Variants in CASC3 observed in about 807,000 individuals in gnomAD.
The protein encoded by CASC3 is CASC3 exon junction complex subunit, also known as protein CASC3.
A neutral mutation model predicts 80.5 loss-of-function variants in CASC3; 30 were observed. That is an observed-to-expected ratio of 0.37 (90% CI 0.28 to 0.51). The LOEUF is 0.51. CASC3 is among the 20% of genes least tolerant of loss of function. The pLI is 0.94. For synonymous variants in CASC3, 312 were observed against 333.6 expected (o/e 0.94, Z 0.70); for missense variants, 824 against 922.2 (o/e 0.89, Z 1.38).
intron 10 of CASC3, 65 bp from the exon 11 acceptor site, chr17:40,168,138 C>A: frequency 6.8e-7 from 1 of 1,465,104 alleles, no homozygotes; most frequent in Non-Finnish European, 9.6e-7. Flanking sequence ...CTGAGCAGTC[C>A]AGCCGGGCCA....
At chr17:40,153,354 CGT>C (rs1989059388) in intron 3 of CASC3, among the ~76,000 whole-genome samples, 1 of 152,038 alleles carries the variant, frequency 6.6e-6, no homozygotes, top group African/African-American at 2.4e-5. Flanking sequence ...TTCCATTGTT[CGT>C]GTGTTCCACA....
rs146854301 is a variant in CASC3, at chr17:40,150,606, G to A, written c.297+8999G>A. ...AGTCTAGAGAGAGAAGAAAGTGAAT[G>A]TGAGAAAGGACTGATAGGCAGAAGT... On this transcript the variant is annotated intron_variant, in intron 3 of 13. Coordinates refer to ENST00000264645, the MANE Select transcript of CASC3 (RefSeq NM_007359.5). 3.8e-3 allele frequency among the ~76,000 whole-genome samples: 584 copies of A among 152,232 alleles called. 3 individuals carry two copies. Among genetic ancestry groups the A allele is most frequent in the African/African-American group, 0.012 (490 of 41,534 alleles).
In CASC3 at chr17:40,171,045, T is replaced by C. The variant is rs552790109; in HGVS notation, c.*640T>C. 4 of 985,556 alleles carry C rather than the reference T, an allele frequency of 4.1e-6. No individual in the cohort carries two copies. The South Asian group carries it at 1.4e-4, about 35-fold the overall frequency. The allele number at this position is 985,556 out of a possible 1,614,324, so 61.1% of individuals were successfully genotyped here. A position where few individuals can be genotyped will look rare whatever the true frequency, so the allele number is the denominator to read the frequency against. On this transcript the variant is annotated 3_prime_UTR_variant, in exon 14 of 14. Coordinates refer to ENST00000264645, the MANE Select transcript of CASC3 (RefSeq NM_007359.5). ...TGGCATTTGTTATCCTCTTGTATAC[T>C]TGTATTCCCTTAACTCTAACCCTGT... is the stretch of plus-strand genomic sequence containing the variant.
At chr17:40,169,224 A>T (rs1989529276) in intron 11 of CASC3, 100 bp from the exon 12 acceptor site, 1 of 1,221,342 alleles carries the variant, frequency 8.2e-7, no homozygotes, top group Non-Finnish European at 1.1e-6. Flanking sequence ...TAAAATTATA[A>T]ATTCCCCAAT....
intron 3 of CASC3, among the ~76,000 whole-genome samples, chr17:40,150,415 CGTGTGTGTGTGTGTGT>C (rs10545573): frequency 6.7e-6 from 1 of 148,940 alleles, no homozygotes; most frequent in Non-Finnish European, 1.5e-5. Context: ...AGAGTGTGTG[CGTGTGTGTGTGTGTGT>C]GTGTGTGTGT....
chr17:40,157,505 A>C (rs1989182870), intron 3 of CASC3, among the ~76,000 whole-genome samples: 1 of 151,800 alleles, frequency 6.6e-6, no homozygotes, highest in African/African-American at 2.4e-5. Context: ...GTGAAACCTT[A>C]TCTCTACTAA....
In CASC3 at chr17:40,140,744, A is replaced by T. The variant is rs1358126788; in HGVS notation, c.196A>T (p.Ser66Cys). ...TGALHLRRVE[S>C]GGAKSAEESE... ...GGCCCTTCATCTGCGGCGGGTGGAG[A>T]GCGGGGGCGCCAAGAGTGCTGAGGA... Residue 66 changes from serine to cysteine, a missense_variant, in exon 1 of 14, where the codon AGC becomes TGC. This residue lies in a region of CASC3 where 159 missense variants were observed against 122.2 expected (regional missense o/e 1.30). Transcript: ENST00000264645. The T allele has an allele frequency of 1.6e-6, 2 of 1,265,144 alleles. No individual in the cohort carries two copies. The highest frequency in any genetic ancestry group is 5.4e-5 in the Admixed American group (2 of 36,968). The allele number at this position is 1,265,144 out of a possible 1,614,324, so 78.4% of individuals were successfully genotyped here. A position where few individuals can be genotyped will look rare whatever the true frequency, so the allele number is the denominator to read the frequency against.
chr17:40,165,912 C>G (rs1202290627), intron 7 of CASC3, among the ~76,000 whole-genome samples: 1 of 151,782 alleles, frequency 6.6e-6, no homozygotes, highest in Non-Finnish European at 1.5e-5. Flanking sequence ...ATCATAAGCA[C>G]ACATCATTAC....
In CASC3 at chr17:40,169,453, G is replaced by A. The variant is rs1989537553; in HGVS notation, c.2088+7G>A. 2 of 1,605,230 alleles carry A rather than the reference G, an allele frequency of 1.2e-6. No homozygotes were observed. Among genetic ancestry groups the A allele is most frequent in the Non-Finnish European group, 1.7e-6 (2 of 1,176,348 alleles). On this transcript the variant is annotated splice_region_variant and intron_variant, in intron 12 of 13. Coordinates refer to ENST00000264645, the MANE Select transcript of CASC3 (RefSeq NM_007359.5). ...CAAGCCCCCTCCACCTGAGGTATGAGAGTTCCTTCCTATACTTAATGCACA... is the reference window on the plus strand; with the variant it reads ...CAAGCCCCCTCCACCTGAGGTATGAAAGTTCCTTCCTATACTTAATGCACA...
intron 13 of CASC3, 60 bp downstream of exon 13, chr17:40,169,722 CA>C (rs1192395070): frequency 1.3e-5 from 3 of 225,166 alleles, no homozygotes; most frequent in Non-Finnish European, 2.6e-5. Context: ...GCTTAATAAA[CA>C]AAAATCACTT....
intron 3 of CASC3, among the ~76,000 whole-genome samples, chr17:40,157,841 T>C (rs544505987): frequency 6.6e-6 from 1 of 152,294 alleles, no homozygotes; most frequent in East Asian, 1.9e-4. Flanking sequence ...TTATGTGTAT[T>C]ATGTACTGTA....
At chr17:40,169,272 G>T in intron 11 of CASC3, 52 bp from the exon 12 acceptor site, 1 of 1,463,486 alleles carries the variant, frequency 6.8e-7, no homozygotes, top group Non-Finnish European at 9.1e-7. Context: ...TTCATCATAG[G>T]TTGGATGAAT....
chr17:40,170,564 C>T lies in CASC3; in HGVS notation c.*159C>T, dbSNP rs1460615093. On this transcript the variant is annotated 3_prime_UTR_variant, in exon 14 of 14. Coordinates refer to ENST00000264645, the MANE Select transcript of CASC3 (RefSeq NM_007359.5). ...ACAGCTGAAAGAGGAGGACCCCTGC[C>T]TTCCTCTGAGGACAGGCTCTAGAGA... The T allele has an allele frequency of 4.1e-6, 4 of 985,472 alleles. No individual in the cohort carries two copies. The highest frequency in any genetic ancestry group is 4.8e-6 in the Non-Finnish European group (4 of 829,974). 61.0% of individuals were successfully genotyped at this position (985,472 alleles called of 1,614,324 possible). A position where few individuals can be genotyped will look rare whatever the true frequency, so the allele number is the denominator to read the frequency against.
chr17:40,167,685 C>T, intron 9 of CASC3, 73 bp downstream of exon 9: 1 of 1,331,786 alleles, frequency 7.5e-7, no homozygotes. Context: ...GCTCCTGGCT[C>T]CTGAATTTCT....
chr17:40,162,042 G>T lies in CASC3; in HGVS notation c.497G>T (p.Gly166Val). The T allele has an allele frequency of 1.9e-6, 3 of 1,614,054 alleles. No homozygotes were observed. The highest frequency in any genetic ancestry group is 2.5e-6 in the Non-Finnish European group (3 of 1,180,014). ...GTGGAGAACAAAGTGGGTAAAAAGG[G>T]CCCTAAGCATTTGGATGATGATGAA... ...EPVENKVGKK[G>V]PKHLDDDEDR... The change falls in exon 5 of 14, where the codon GGC becomes GTC. Residue 166 changes from glycine to valine, a missense_variant. Physicochemically the swap from Gly to Val is moderately radical, Grantham distance 109. Around this residue, in one of 3 missense-constraint regions of CASC3, gnomAD observed 201 missense variants for 294.1 expected, o/e 0.68. Coordinates refer to ENST00000264645, the MANE Select transcript of CASC3 (RefSeq NM_007359.5).
intron 3 of CASC3, among the ~76,000 whole-genome samples, chr17:40,159,416 T>G (rs796929694): frequency 5.9e-5 from 9 of 152,238 alleles, no homozygotes; most frequent in African/African-American, 2.2e-4. Context: ...GTCTCTGTTG[T>G]CCAGGTTGGA....
intron 3 of CASC3, among the ~76,000 whole-genome samples, chr17:40,142,510 G>C (rs190298899): frequency 6.6e-6 from 1 of 152,200 alleles, no homozygotes; most frequent in African/African-American, 2.4e-5. Context: ...AGTGGCTCAC[G>C]CCTGTAATCC....
chr17:40,157,581 A>T (rs1381740297), intron 3 of CASC3, among the ~76,000 whole-genome samples: 2 of 152,122 alleles, frequency 1.3e-5, no homozygotes, highest in Non-Finnish European at 2.9e-5. Context: ...AGGCTGAGGC[A>T]TAAGAATTGC....
intron 3 of CASC3, among the ~76,000 whole-genome samples, chr17:40,155,242 G>A (rs991396610): frequency 4.7e-5 from 7 of 150,114 alleles, no homozygotes; most frequent in Admixed American, 2.7e-4. Flanking sequence ...GTGTTTATAC[G>A]TAAGGTTTTA....
Sources: gnomAD v4.1 joint callset for allele counts (sites outside exome capture counted in the v4.1 genomes callset) on GRCh38, gnomAD v4.1.1 for gene constraint, gnomAD v4.1.1 regional missense constraint, MANE v1.5 for transcripts, NCBI Gene and HGNC (gene_info 2026-07-23, HGNC 2026-07-21) for gene names.